SH3D19: variants seen among roughly 807,000 people sequenced by gnomAD.
The protein encoded by SH3D19 is SH3 domain containing 19.
SH3D19 carries 58 observed loss-of-function variants against 112.1 expected under a neutral mutation model. The observed-to-expected ratio is 0.52, with a 90% confidence interval of 0.42 to 0.64. The LOEUF (loss-of-function observed/expected upper bound fraction) is 0.64. Among genes scored for constraint, SH3D19 ranks in the 30% least tolerant of loss-of-function variants. SH3D19 has a pLI of 0.00. For missense variants in SH3D19, 1,090 were observed against 1,263.4 expected (o/e 0.86, Z 2.08); for synonymous variants, 391 against 448.5 (o/e 0.87, Z 1.62).
intron 7 of SH3D19, among the ~76,000 whole-genome samples, chr4:151,167,310 T>G (rs1758208916): frequency 6.6e-6 from 1 of 151,760 alleles, no homozygotes; most frequent in Admixed American, 6.6e-5. Flanking sequence ...ATATAACAAG[T>G]ATAATAGTAC....
At chr4:151,296,437 G>A (rs1396539878) in intron 1 of SH3D19, among the ~76,000 whole-genome samples, 1 of 152,192 alleles carries the variant, frequency 6.6e-6, no homozygotes, top group East Asian at 1.9e-4. Flanking sequence ...GGAGCCACTC[G>A]GAGTTGGCAG....
chr4:151,272,206 C>T (rs545933113), intron 1 of SH3D19, among the ~76,000 whole-genome samples: 1 of 152,238 alleles, frequency 6.6e-6, no homozygotes, highest in Admixed American at 6.5e-5. Context: ...AGATAAAATA[C>T]GGTGATAAAC....
intron 1 of SH3D19, among the ~76,000 whole-genome samples, chr4:151,269,669 T>C (rs1773093691): frequency 6.6e-6 from 1 of 152,136 alleles, no homozygotes; most frequent in Non-Finnish European, 1.5e-5. Flanking sequence ...TTTTTTACTT[T>C]ATAAACATTT....
chr4:151,247,448 T>A (rs1393596009), intron 1 of SH3D19, among the ~76,000 whole-genome samples: 3 of 152,218 alleles, frequency 2.0e-5, no homozygotes, highest in South Asian at 2.1e-4. Flanking sequence ...TTTCTAAGAG[T>A]TCTGGAGTCA....
chr4:151,194,103 G>A (rs980685438), intron 2 of SH3D19, among the ~76,000 whole-genome samples: 1 of 138,150 alleles, frequency 7.2e-6, no homozygotes, highest in African/African-American at 3.0e-5. Flanking sequence ...TCGGCTTACT[G>A]CAACCTCTGC....
intron 2 of SH3D19, among the ~76,000 whole-genome samples, chr4:151,191,966 T>G (rs1369285888): frequency 1.6e-5 from 2 of 126,520 alleles, no homozygotes; most frequent in East Asian, 2.3e-4. Context: ...TTTTTTTTGA[T>G]ACAGAGTCTT....
At chr4:151,307,964 G>A (rs1252382696) in intron 1 of SH3D19, among the ~76,000 whole-genome samples, 1 of 152,200 alleles carries the variant, frequency 6.6e-6, no homozygotes, top group Non-Finnish European at 1.5e-5. Flanking sequence ...AGGCTGGAGT[G>A]CAATGGTGCG....
At chr4:151,271,277 T>A (rs1463124030) in intron 1 of SH3D19, among the ~76,000 whole-genome samples, 1 of 152,206 alleles carries the variant, frequency 6.6e-6, no homozygotes, top group African/African-American at 2.4e-5. Flanking sequence ...CATTTTCCAA[T>A]ATAGTAGACT....
At chr4:151,235,640 G>C (rs1769979062) in intron 1 of SH3D19, among the ~76,000 whole-genome samples, 1 of 152,088 alleles carries the variant, frequency 6.6e-6, no homozygotes, top group Non-Finnish European at 1.5e-5. Context: ...ACAAAAATTA[G>C]CTGGGTGTGG....
intron 14 of SH3D19, among the ~76,000 whole-genome samples, 188 bp downstream of exon 14, chr4:151,137,544 T>C (rs1306395386): frequency 6.6e-6 from 1 of 152,216 alleles, no homozygotes; most frequent in Non-Finnish European, 1.5e-5. Flanking sequence ...CATTAAGTTC[T>C]AACACTCCAT....
At chr4:151,292,945 C>A (rs1021041001) in intron 1 of SH3D19, among the ~76,000 whole-genome samples, 2 of 151,684 alleles carry the variant, frequency 1.3e-5, no homozygotes, top group African/African-American at 4.8e-5. Context: ...CATGGTGAAA[C>A]CCTGTCTCTA....
At chr4:151,152,593 C>T (rs190161134) in intron 9 of SH3D19, among the ~76,000 whole-genome samples, 392 of 149,166 alleles carry the variant, frequency 2.6e-3, no homozygotes, top group Non-Finnish European at 3.9e-3. Context: ...GCTCTCAGCT[C>T]ACCAAACCTC....
intron 1 of SH3D19, among the ~76,000 whole-genome samples, chr4:151,296,615 T>C (rs1775734054): frequency 6.6e-6 from 1 of 152,216 alleles, no homozygotes; most frequent in African/African-American, 2.4e-5. Flanking sequence ...CCTTTACTTT[T>C]ATGGGGCTCA....
chr4:151,325,259 A>C lies in SH3D19; in HGVS notation c.94T>G (p.Ser32Ala), dbSNP rs1290078092. 3 of 1,221,442 alleles carry C rather than the reference A, an allele frequency of 2.5e-6. No individual in the cohort carries two copies. The highest frequency in any genetic ancestry group is 4.3e-5 in the Admixed American group (1 of 23,314). The allele number at this position is 1,221,442 out of a possible 1,614,324, so 75.7% of individuals were successfully genotyped here. Residue 32 changes from serine to alanine, a missense_variant, in exon 1 of 20, where the codon TCG (serine) becomes GCG (alanine). By Grantham distance (99) the Ser-to-Ala change is moderately conservative (BLOSUM62 1). Transcript: ENST00000604030. ...GQRRARGRAL[S>A]GHSAADRNER... is the part of the protein sequence containing the mutation. ...CTCTCACCTGCGGCCGAGTGGCCCG[A>C]GAGCGCACGGCCCCGGGCGCGGCGC...
In SH3D19 at chr4:151,175,137, A is replaced by G. The variant is rs1392797643; in HGVS notation, c.1067T>C (p.Leu356Pro). The change falls in exon 7 of 20, where the codon CTC becomes CCC. Residue 356 changes from leucine to proline, a missense_variant. Transcript: ENST00000604030. ...GAGTCCTTCCTTGGAGGTCACCTTG[A>G]GTCTGTTCTCAGTCCCAGAGTCCCA... ...GEWDSGTENR[L>P]KVTSKEGLTP... is the part of the protein sequence containing the mutation. 6.8e-6 allele frequency: 11 copies of G among 1,613,872 alleles called. No homozygotes were observed. Among genetic ancestry groups the G allele is most frequent in the Non-Finnish European group, 9.3e-6 (11 of 1,179,984 alleles).
chr4:151,285,702 A>C (rs780507136), intron 1 of SH3D19, among the ~76,000 whole-genome samples: 5 of 152,056 alleles, frequency 3.3e-5, no homozygotes, highest in Admixed American at 6.6e-5. Context: ...CCTTGTCTCT[A>C]CTAAAAATTT....
chr4:151,290,698 AAAAAG>A, intron 1 of SH3D19, among the ~76,000 whole-genome samples: 1 of 152,204 alleles, frequency 6.6e-6, no homozygotes, highest in East Asian at 1.9e-4. Flanking sequence ...AGCTGTTACA[AAAAAG>A]AAAGAGAACA....
At chr4:151,230,328 C>T (rs1769512765) in intron 1 of SH3D19, among the ~76,000 whole-genome samples, 1 of 152,160 alleles carries the variant, frequency 6.6e-6, no homozygotes, top group Non-Finnish European at 1.5e-5. Flanking sequence ...AATGCAAATG[C>T]CATCTTTGCT....
chr4:151,304,407 A>T (rs140190105), intron 1 of SH3D19, among the ~76,000 whole-genome samples: 1 of 152,120 alleles, frequency 6.6e-6, no homozygotes, highest in African/African-American at 2.4e-5. Flanking sequence ...GCTCAGTGGG[A>T]ACCTTAAAAA....
Sources: allele counts gnomAD v4.1 joint callset (sites outside exome capture counted in the v4.1 genomes callset), GRCh38; gene constraint gnomAD v4.1.1; transcripts MANE v1.5; gene names NCBI Gene and HGNC (gene_info 2026-07-23, HGNC 2026-07-21).